SMAD6: variants seen among roughly 807,000 people sequenced by gnomAD.
SMAD6 encodes SMAD family member 6, also known as MAD homolog 6.
In SMAD6, 103 loss-of-function variants were observed where a neutral mutation model predicts 39.4. The observed-to-expected ratio is 2.62, with a 90% CI of 2.23 to 3.08. The LOEUF (loss-of-function observed/expected upper bound fraction) is 3.08, where lower values mean the gene tolerates loss of function less well. Ranked by LOEUF, SMAD6 falls within the 30% of genes most tolerant of loss-of-function variation. The pLI is 0.00. For synonymous variants in SMAD6, 445 were observed against 353.3 expected, an observed-to-expected ratio of 1.26 and a Z score of -2.91; for missense variants, 1,104 against 742.9, an observed-to-expected ratio of 1.49 and a Z score of -5.65.
chr15:66,763,143 T>C (rs1249277563), intron 3 of SMAD6, among the ~76,000 whole-genome samples: 1 of 152,166 alleles, frequency 6.6e-6, no homozygotes, highest in African/African-American at 2.4e-5. Flanking sequence ...GCTGAGCACC[T>C]CCAGAACTAG....
intron 3 of SMAD6, among the ~76,000 whole-genome samples, chr15:66,741,837 C>T (rs1893820847): frequency 6.6e-6 from 1 of 151,928 alleles, no homozygotes; most frequent in South Asian, 2.1e-4. Context: ...CTCCGGGCAG[C>T]CCTACAGGTG....
chr15:66,724,462 G>A (rs1014906025), intron 3 of SMAD6, among the ~76,000 whole-genome samples: 2 of 152,054 alleles, frequency 1.3e-5, no homozygotes, highest in African/African-American at 4.8e-5. Context: ...TTATTCATGG[G>A]CTACTCCCAA....
At chr15:66,762,192 C>T (rs888943901) in intron 3 of SMAD6, among the ~76,000 whole-genome samples, 2 of 152,238 alleles carry the variant, frequency 1.3e-5, no homozygotes, top group African/African-American at 4.8e-5. Flanking sequence ...TTTACAAAAA[C>T]AAGAGTCTCC....
intron 3 of SMAD6, among the ~76,000 whole-genome samples, chr15:66,769,165 A>G (rs1210958773): frequency 6.6e-6 from 1 of 152,164 alleles, no homozygotes; most frequent in African/African-American, 2.4e-5. Flanking sequence ...GAGTTAGGTA[A>G]TCACCTAGAG....
intron 3 of SMAD6, among the ~76,000 whole-genome samples, chr15:66,725,456 A>G (rs1326215097): frequency 1.3e-5 from 2 of 152,212 alleles, no homozygotes; most frequent in East Asian, 3.9e-4. Context: ...GCGGACATCA[A>G]AGCCACCATC....
In SMAD6 at chr15:66,756,214, C is replaced by G. The variant is rs542207116; in HGVS notation, c.953-24783C>G. ...ACGTGGAAGCTAGGAGTGGGGGGTG[C>G]CTGGGAGTGCAGGAGGCCCTTTAAA... is the stretch of plus-strand genomic sequence containing the variant. On this transcript the variant is annotated intron_variant, in intron 3 of 3. Transcript: ENST00000288840. 2.0e-5 allele frequency among the ~76,000 whole-genome samples: 3 copies of G among 152,002 alleles called. No homozygotes were observed. The South Asian group carries it at 6.3e-4, about 32-fold the overall frequency.
rs565102749 is a variant in SMAD6 at position 66,721,206 on chromosome 15, G to C, written c.952+4708G>C. Among the ~76,000 whole-genome samples, 12 of 150,130 alleles carry C rather than the reference G, an allele frequency of 8.0e-5. No individual in the cohort carries two copies. The East Asian group carries it at 2.0e-3, about 26-fold the overall frequency. On this transcript the variant is annotated intron_variant, in intron 3 of 3. Coordinates refer to ENST00000288840, the MANE Select transcript of SMAD6 (RefSeq NM_005585.5). ...GGACCCACCTAGGGTTGCAACCCAA[G>C]GTGGATCCACACTGCTTACCCACCT...
chr15:66,763,303 C>A (rs946533764), intron 3 of SMAD6, among the ~76,000 whole-genome samples: 1 of 152,334 alleles, frequency 6.6e-6, no homozygotes, highest in Non-Finnish European at 1.5e-5. Context: ...AGGACAGGGG[C>A]ACCCTGGGGA....
chr15:66,727,263 C>T (rs28670909), intron 3 of SMAD6, among the ~76,000 whole-genome samples: 43,724 of 151,672 alleles, frequency 0.29, 6,588 homozygotes, highest in East Asian at 0.43. Context: ...CCACCATGCC[C>T]GGCTAACTTT....
chr15:66,725,357 A>G (rs2140617815), intron 3 of SMAD6, among the ~76,000 whole-genome samples: 1 of 152,312 alleles, frequency 6.6e-6, no homozygotes, highest in Admixed American at 6.5e-5. Flanking sequence ...TCTGCAAAGC[A>G]GGAGCTGCTC....
At position 66,704,063 on chromosome 15, in the gene SMAD6, C is replaced by CTCT; in HGVS notation, c.806_808dup (p.Leu269_Cys270insPhe). The CTCT allele has an allele frequency of 1.3e-6, 2 of 1,495,614 alleles. No homozygotes were observed. 92.6% of individuals were successfully genotyped at this position (1,495,614 alleles called of 1,614,324 possible). ...CTGCAACCCCTACCACTTCAGCCGG[C>CTCT]TCTGCGGGCCCGGTGAGCGCGCTGC... On this transcript the variant is annotated inframe_insertion, in exon 1 of 4. Coordinates refer to ENST00000288840, the MANE Select transcript of SMAD6 (RefSeq NM_005585.5).
chr15:66,781,568 C>T lies in SMAD6; in HGVS notation c.*33C>T. The T allele has an allele frequency of 6.9e-7, 1 of 1,444,360 alleles. No homozygotes were observed. The allele number at this position is 1,444,360 out of a possible 1,614,324, so 89.5% of individuals were successfully genotyped here. A position where few individuals can be genotyped will look rare whatever the true frequency, so the allele number is the denominator to read the frequency against. On this transcript the variant is annotated 3_prime_UTR_variant, in exon 4 of 4. Coordinates refer to ENST00000288840, the MANE Select transcript of SMAD6 (RefSeq NM_005585.5). ...CCCGGCGGGAGGGGCGGGTGGGAGG[C>T]CGCGGCCACCGCCACCTGCCGGCCT... is the stretch of plus-strand genomic sequence containing the variant.
At chr15:66,778,512 G>A (rs1348756582) in intron 3 of SMAD6, among the ~76,000 whole-genome samples, 1 of 152,176 alleles carries the variant, frequency 6.6e-6, no homozygotes, top group Non-Finnish European at 1.5e-5. Context: ...AAGAGGTGCA[G>A]CAGTGACCCC....
At position 66,703,830 on chromosome 15, in the gene SMAD6, T is replaced by C. The variant is rs1213841516; in HGVS notation, c.572T>C (p.Leu191Pro). Residue 191 changes from leucine to proline, a missense_variant, in exon 1 of 4, where the codon CTG becomes CCG. Leu to Pro is a moderately conservative substitution (Grantham distance 98). Coordinates refer to ENST00000288840, the MANE Select transcript of SMAD6 (RefSeq NM_005585.5). ...KRLKERSLDT[L>P]LEAVESRGGV... ...CTCAAGGAGCGCTCGCTGGACACGC[T>C]GCTGGAGGCGGTGGAGTCCCGCGGC... The C allele has an allele frequency of 3.6e-6, 5 of 1,408,018 alleles. No individual in the cohort carries two copies. The highest frequency in any genetic ancestry group is 3.0e-5 in the African/African-American group (2 of 67,068). 87.2% of individuals were successfully genotyped at this position (1,408,018 alleles called of 1,614,324 possible).
chr15:66,777,666 C>T (rs1236413648), intron 3 of SMAD6, among the ~76,000 whole-genome samples: 2 of 152,162 alleles, frequency 1.3e-5, no homozygotes, highest in African/African-American at 4.8e-5. Flanking sequence ...TGACCAGGAG[C>T]GCAGACACCT....
At chr15:66,759,717 C>A (rs191172741) in intron 3 of SMAD6, among the ~76,000 whole-genome samples, 10 of 152,360 alleles carry the variant, frequency 6.6e-5, no homozygotes, top group Non-Finnish European at 1.2e-4. Context: ...AGCTCTGAAT[C>A]TTCACTGCTT....
intron 3 of SMAD6, among the ~76,000 whole-genome samples, chr15:66,773,938 G>A (rs569821052): frequency 6.6e-6 from 1 of 152,298 alleles, no homozygotes; most frequent in South Asian, 2.1e-4. Flanking sequence ...CCAGCCCTGG[G>A]AGAGCCAGGG....
At chr15:66,745,568 TTAGA>T (rs1893893032) in intron 3 of SMAD6, among the ~76,000 whole-genome samples, 1 of 152,260 alleles carries the variant, frequency 6.6e-6, no homozygotes, top group Non-Finnish European at 1.5e-5. Context: ...AACACCCATC[TTAGA>T]TGTTCTTTGT....
intron 3 of SMAD6, among the ~76,000 whole-genome samples, chr15:66,780,379 C>T (rs748925650): frequency 6.6e-5 from 10 of 152,144 alleles, no homozygotes; most frequent in Non-Finnish European, 1.5e-4. Flanking sequence ...ACCCCCAGCC[C>T]GCCTCCCTGT....
Sources: allele counts gnomAD v4.1 joint callset (sites outside exome capture counted in the v4.1 genomes callset), GRCh38; gene constraint gnomAD v4.1.1; transcripts MANE v1.5; gene names NCBI Gene and HGNC (gene_info 2026-07-23, HGNC 2026-07-21).